Variants in SUDS3 observed in about 807,000 individuals in gnomAD.
SUDS3 encodes the protein sin3 histone deacetylase corepressor complex component SDS3.
SUDS3 carries 23 observed loss-of-function variants against 53.5 expected under a neutral mutation model. That is an observed-to-expected ratio of 0.43 (90% CI 0.31 to 0.61). The LOEUF is 0.61. SUDS3 is among the 20% of genes least tolerant of loss of function. SUDS3 has a pLI of 0.10. For missense variants in SUDS3, 291 were observed against 405.9 expected, an observed-to-expected ratio of 0.72 and a Z score of 2.43; for synonymous variants, 150 against 148.5, an observed-to-expected ratio of 1.01 and a Z score of -0.08.
intron 6 of SUDS3, among the ~76,000 whole-genome samples, chr12:118,398,446 G>C (rs759834807): frequency 3.3e-5 from 5 of 152,048 alleles, no homozygotes; most frequent in Non-Finnish European, 5.9e-5. Flanking sequence ...TTCTTTTAGG[G>C]AGAAGCCTTC....
At chr12:118,390,047 T>G in intron 5 of SUDS3, 101 bp downstream of exon 5, 1 of 1,427,518 alleles carries the variant, frequency 7.0e-7, no homozygotes, top group Non-Finnish European at 9.9e-7. Flanking sequence ...GTAGATAGTT[T>G]GGAAGCCTTC....
At chr12:118,382,287 A>T (rs776325987) in intron 2 of SUDS3, among the ~76,000 whole-genome samples, 1 of 150,730 alleles carries the variant, frequency 6.6e-6, no homozygotes, top group Non-Finnish European at 1.5e-5. Flanking sequence ...ACCTCAGATG[A>T]TCTGCTTGCT....
At chr12:118,385,799 T>C (rs2046109817) in intron 3 of SUDS3, among the ~76,000 whole-genome samples, 1 of 152,200 alleles carries the variant, frequency 6.6e-6, no homozygotes, top group African/African-American at 2.4e-5. Context: ...GAATGAACCT[T>C]TTCCAGTAAA....
chr12:118,379,402 A>C (rs1013817413), intron 1 of SUDS3, among the ~76,000 whole-genome samples: 1 of 152,088 alleles, frequency 6.6e-6, no homozygotes, highest in African/African-American at 2.4e-5. Flanking sequence ...GTGCCACTGC[A>C]CTCCAGCCTG....
chr12:118,395,335 C>G (rs1014980858), intron 6 of SUDS3, among the ~76,000 whole-genome samples: 2 of 150,786 alleles, frequency 1.3e-5, no homozygotes, highest in African/African-American at 4.9e-5. Flanking sequence ...ACGCCATTCT[C>G]CTGCCTCAAC....
chr12:118,414,232 A>T, intron 11 of SUDS3, 103 bp from the exon 12 acceptor site: 4 of 828,986 alleles, frequency 4.8e-6, no homozygotes, highest in Non-Finnish European at 7.4e-6. Flanking sequence ...AGAGGCTACC[A>T]GCCTTCTGCT....
intron 1 of SUDS3, among the ~76,000 whole-genome samples, chr12:118,378,420 A>G (rs889157620): frequency 3.3e-5 from 5 of 152,098 alleles, no homozygotes; most frequent in African/African-American, 1.2e-4. Flanking sequence ...TGTTATTCCT[A>G]AACAGTGTAG....
intron 1 of SUDS3, among the ~76,000 whole-genome samples, 157 bp downstream of exon 1, chr12:118,376,990 C>T (rs2046003778): frequency 6.6e-6 from 1 of 152,134 alleles, no homozygotes; most frequent in African/African-American, 2.4e-5. Flanking sequence ...TACCCCCATC[C>T]GTGCTGGAGT....
At chr12:118,407,109 A>G (rs2046315257) in intron 10 of SUDS3, among the ~76,000 whole-genome samples, 1 of 152,086 alleles carries the variant, frequency 6.6e-6, no homozygotes, top group Non-Finnish European at 1.5e-5. Flanking sequence ...TATGTTGCCC[A>G]GGCTGTCCTC....
At chr12:118,393,833 G>T (rs989611083) in intron 6 of SUDS3, among the ~76,000 whole-genome samples, 3 of 151,874 alleles carry the variant, frequency 2.0e-5, no homozygotes, top group African/African-American at 7.3e-5. Context: ...ACCACGCCCG[G>T]CTAATTTTTG....
chr12:118,403,812 G>T (rs1215979476), intron 10 of SUDS3, among the ~76,000 whole-genome samples: 1 of 152,104 alleles, frequency 6.6e-6, no homozygotes, highest in Non-Finnish European at 1.5e-5. Flanking sequence ...TGGGGCTGGG[G>T]TGTATGTCCC....
intron 1 of SUDS3, among the ~76,000 whole-genome samples, chr12:118,378,955 G>A (rs568000367): frequency 1.3e-5 from 2 of 148,934 alleles, no homozygotes; most frequent in South Asian, 2.1e-4. Flanking sequence ...GATTACAGGC[G>A]TGAGCCACTG....
chr12:118,411,089 G>A lies in SUDS3; in HGVS notation c.820G>A (p.Ala274Thr), dbSNP rs1273669257. Reference protein sequence around the residue: ...YDKRWYHKSQAIYLESKDNQK... With the variant: ...YDKRWYHKSQTIYLESKDNQK... ...TTTTGTCAGGTACCACAAGAGCCAG[G>A]CCATCTATCTGGAGTCAAAGGACAA... The change falls in exon 11 of 12, where the codon GCC (alanine) becomes ACC (threonine). Residue 274 changes from alanine (A) to threonine (T), a missense_variant. By Grantham distance (58) the Ala-to-Thr change is moderately conservative. This residue lies in a region of SUDS3 where 77 missense variants were observed against 87.1 expected (regional missense o/e 0.88). Coordinates refer to ENST00000543473, the MANE Select transcript of SUDS3 (RefSeq NM_022491.3). 8 of 1,605,834 alleles carry A rather than the reference G, an allele frequency of 5.0e-6. No homozygotes were observed. The highest frequency in any genetic ancestry group is 6.0e-6 in the Non-Finnish European group (7 of 1,176,208).
At position 118,380,695 on chromosome 12, in the gene SUDS3, A is replaced by C. The variant is rs548792108; in HGVS notation, c.212+464A>C. 3.9e-5 allele frequency among the ~76,000 whole-genome samples: 6 copies of C among 152,240 alleles called. No individual in the cohort carries two copies. In the East Asian group the frequency reaches 1.2e-3, roughly 29 times the overall value. On this transcript the variant is annotated intron_variant, in intron 2 of 11. Coordinates refer to ENST00000543473, the MANE Select transcript of SUDS3 (RefSeq NM_022491.3). The stretch of plus-strand genomic sequence containing the variant: ...GAATGAGGCCGTACAACAGGAGAGG[A>C]CCTTTTACTACTTACTCTTTTTTTT...
intron 1 of SUDS3, among the ~76,000 whole-genome samples, chr12:118,377,797 C>G (rs144140486): frequency 9.4e-4 from 143 of 152,242 alleles, no homozygotes; most frequent in African/African-American, 3.2e-3. Context: ...GGCCGTGGAG[C>G]AAAAGCTAGA....
In SUDS3 at chr12:118,376,663, G is replaced by A; in HGVS notation, c.-29G>A. The stretch of plus-strand genomic sequence containing the variant: ...AGCGCGGGTGGCCGCGGTGTCCGTG[G>A]GCCACGCTCAGCTGCGGTCAGAGGC... On this transcript the variant is annotated 5_prime_UTR_variant, in exon 1 of 12. Coordinates refer to ENST00000543473, the MANE Select transcript of SUDS3 (RefSeq NM_022491.3). 6.9e-7 allele frequency: 1 copy of A among 1,444,946 alleles called. No homozygotes were observed. Among genetic ancestry groups the A allele is most frequent in the Non-Finnish European group, 9.0e-7 (1 of 1,107,412 alleles). The allele number at this position is 1,444,946 out of a possible 1,614,324, so 89.5% of individuals were successfully genotyped here. A position where few individuals can be genotyped will look rare whatever the true frequency, so the allele number is the denominator to read the frequency against.
At chr12:118,413,283 G>C (rs1306935959) in intron 11 of SUDS3, among the ~76,000 whole-genome samples, 1 of 152,156 alleles carries the variant, frequency 6.6e-6, no homozygotes, top group Non-Finnish European at 1.5e-5. Flanking sequence ...GTATATTTGG[G>C]TGAGATGCAG....
At chr12:118,405,371 G>C (rs939110083) in intron 10 of SUDS3, among the ~76,000 whole-genome samples, 4 of 152,188 alleles carry the variant, frequency 2.6e-5, no homozygotes, top group Non-Finnish European at 5.9e-5. Context: ...GACATGTCTT[G>C]AGGGTGAAAA....
rs78227052 is a variant in SUDS3, at chr12:118,398,781, C to T, written c.518-1878C>T. On this transcript the variant is annotated intron_variant, in intron 6 of 11. Transcript: ENST00000543473. ...ATGATCAGACTTGACCTCATCTACC[C>T]GTTCTGCACAAAACATTATGCACCC... 8.0e-3 allele frequency among the ~76,000 whole-genome samples: 1,212 copies of T among 152,218 alleles called. 19 individuals carry two copies. The highest frequency in any genetic ancestry group is 0.028 in the African/African-American group (1,142 of 41,514).
Sources: allele counts gnomAD v4.1 joint callset (sites outside exome capture counted in the v4.1 genomes callset), GRCh38; gene constraint gnomAD v4.1.1; regional missense constraint gnomAD v4.1.1; transcripts MANE v1.5; gene names NCBI Gene and HGNC (gene_info 2026-07-23, HGNC 2026-07-21).